The following FBXL17 variants were observed in gnomAD, a reference collection of about 807,000 sequenced individuals.
FBXL17 encodes the protein F-box and leucine rich repeat protein 17.
FBXL17 carries 22 observed loss-of-function variants against 66.2 expected under a neutral mutation model. The ratio of observed to expected loss-of-function variants is 0.33; its 90% confidence interval spans 0.24 to 0.47. The LOEUF (loss-of-function observed/expected upper bound fraction) is 0.47. Ranked by LOEUF, FBXL17 falls within the 20% of genes least tolerant of loss-of-function variation. The pLI is 1.00. For synonymous variants in FBXL17, 474 were observed against 400.5 expected (o/e 1.18, Z -2.19); for missense variants, 878 against 948.2 (o/e 0.93, Z 0.97).
chr5:108,212,267 A>T (rs1238081902), intron 5 of FBXL17, among the ~76,000 whole-genome samples: 1 of 152,130 alleles, frequency 6.6e-6, no homozygotes. Flanking sequence ...CCTTGCATTA[A>T]GTTAGAACCT....
intron 5 of FBXL17, among the ~76,000 whole-genome samples, chr5:108,212,509 G>A (rs1202531531): frequency 1.3e-5 from 2 of 152,004 alleles, no homozygotes; most frequent in South Asian, 4.1e-4. Flanking sequence ...CTCTGAATGG[G>A]GTCTTTGAGT....
chr5:107,872,099 C>G (rs1359902427), intron 8 of FBXL17, among the ~76,000 whole-genome samples: 1 of 152,164 alleles, frequency 6.6e-6, no homozygotes, highest in Non-Finnish European at 1.5e-5. Flanking sequence ...TTATGATCAG[C>G]AAAAATTTAT....
intron 6 of FBXL17, among the ~76,000 whole-genome samples, chr5:108,022,441 TAA>T (rs1407972734): frequency 6.6e-6 from 1 of 151,970 alleles, no homozygotes; most frequent in Non-Finnish European, 1.5e-5. Context: ...TTTTACACGC[TAA>T]GAGTACAAAT....
At chr5:108,264,102 C>G (rs1310939990) in intron 4 of FBXL17, among the ~76,000 whole-genome samples, 2 of 149,860 alleles carry the variant, frequency 1.3e-5, no homozygotes, top group Non-Finnish European at 3.0e-5. Flanking sequence ...GTAGTCCTAG[C>G]TACTCAGGAA....
At position 108,165,335 on chromosome 5, in the gene FBXL17, A is replaced by T. The variant is rs1266575956; in HGVS notation, c.1745+20782T>A. On this transcript the variant is annotated intron_variant, in intron 6 of 8. Transcript: ENST00000542267. ...GATATGCACATAACTGAAAAGATGT[A>T]AATGTAAACAGTGGAAATCTCTGAA... is the stretch of plus-strand genomic sequence containing the variant. 5.4e-5 allele frequency among the ~76,000 whole-genome samples: 6 copies of T among 110,480 alleles called. No individual in the cohort carries two copies. In the South Asian group the frequency reaches 1.1e-3, roughly 21 times the overall value. 72.5% of individuals were successfully genotyped at this position (110,480 alleles called of 152,430 possible).
chr5:108,242,766 T>C (rs1287066931), intron 4 of FBXL17, among the ~76,000 whole-genome samples: 1 of 152,174 alleles, frequency 6.6e-6, no homozygotes, highest in African/African-American at 2.4e-5. Flanking sequence ...TATTTTAATA[T>C]ATCTATAAAA....
At chr5:108,067,745 A>G (rs558213186) in intron 6 of FBXL17, among the ~76,000 whole-genome samples, 13 of 152,344 alleles carry the variant, frequency 8.5e-5, no homozygotes, top group East Asian at 1.9e-4. Flanking sequence ...CTGCTCCTAC[A>G]TATTTCCCTA....
chr5:108,355,136 TCTTA>T, intron 3 of FBXL17, among the ~76,000 whole-genome samples: 1 of 152,136 alleles, frequency 6.6e-6, no homozygotes, highest in South Asian at 2.1e-4. Flanking sequence ...TTTTCCTTAT[TCTTA>T]ATTAAGCTAG....
chr5:108,101,402 C>T (rs567903229), intron 6 of FBXL17, among the ~76,000 whole-genome samples: 10 of 152,330 alleles, frequency 6.6e-5, no homozygotes. Flanking sequence ...TTCATTACTC[C>T]CTGATGCTTG....
intron 7 of FBXL17, among the ~76,000 whole-genome samples, chr5:107,970,333 G>GA (rs923178989): frequency 4.6e-5 from 7 of 151,812 alleles, no homozygotes; most frequent in Middle Eastern, 3.4e-3. Context: ...TGAATTAGAT[G>GA]AAAAAAAATG....
intron 5 of FBXL17, among the ~76,000 whole-genome samples, chr5:108,189,129 T>G (rs1753356466): frequency 6.6e-6 from 1 of 152,184 alleles, no homozygotes; most frequent in African/African-American, 2.4e-5. Context: ...TATGTACATT[T>G]ATCAACTCAC....
At chr5:108,102,459 C>T (rs188669687) in intron 6 of FBXL17, among the ~76,000 whole-genome samples, 1 of 152,292 alleles carries the variant, frequency 6.6e-6, no homozygotes, top group East Asian at 1.9e-4. Flanking sequence ...TCACCACTAA[C>T]TGAGATCTCG....
At chr5:107,955,381 A>G (rs1276235206) in intron 7 of FBXL17, among the ~76,000 whole-genome samples, 2 of 152,170 alleles carry the variant, frequency 1.3e-5, no homozygotes, top group African/African-American at 4.8e-5. Flanking sequence ...TTACTTTTTA[A>G]AAACCAATAA....
chr5:107,968,683 CA>C (rs1196500626), intron 7 of FBXL17, among the ~76,000 whole-genome samples: 1 of 151,818 alleles, frequency 6.6e-6, no homozygotes, highest in Non-Finnish European at 1.5e-5. Flanking sequence ...GTGAATAATC[CA>C]AAAATAAATA....
intron 8 of FBXL17, among the ~76,000 whole-genome samples, chr5:107,871,782 A>G (rs1748463376): frequency 6.6e-6 from 1 of 152,102 alleles, no homozygotes; most frequent in Admixed American, 6.5e-5. Flanking sequence ...ACTAGGCCCT[A>G]ATAAGATAAT....
intron 6 of FBXL17, among the ~76,000 whole-genome samples, chr5:108,176,070 T>A (rs990038036): frequency 4.6e-5 from 7 of 152,298 alleles, no homozygotes; most frequent in African/African-American, 1.7e-4. Flanking sequence ...AAGTGGGAGA[T>A]GGTATAAATT....
intron 7 of FBXL17, 195 bp downstream of exon 7, chr5:108,020,730 A>C (rs186848727): frequency 2.1e-6 from 1 of 465,386 alleles, no homozygotes; most frequent in Non-Finnish European, 3.9e-6. Flanking sequence ...GTGGCAATGA[A>C]GTAATATGCA....
intron 6 of FBXL17, among the ~76,000 whole-genome samples, chr5:108,125,145 A>G (rs1750647272): frequency 1.3e-5 from 2 of 152,016 alleles, no homozygotes; most frequent in African/African-American, 4.8e-5. Context: ...GAAACCAAAG[A>G]CATACAAATT....
intron 6 of FBXL17, among the ~76,000 whole-genome samples, chr5:108,028,495 G>C (rs1754910895): frequency 6.6e-6 from 1 of 152,120 alleles, no homozygotes; most frequent in African/African-American, 2.4e-5. Flanking sequence ...GCACTCAGAA[G>C]ATGAGATTTC....
Sources: allele counts gnomAD v4.1 joint callset (sites outside exome capture counted in the v4.1 genomes callset), GRCh38; gene constraint gnomAD v4.1.1; transcripts MANE v1.5; gene names NCBI Gene and HGNC (gene_info 2026-07-23, HGNC 2026-07-21).